The following EPB42 variants were observed in gnomAD, a reference collection of about 807,000 sequenced individuals.
EPB42 encodes erythrocyte membrane protein band 4.2, also known as protein 4.2.
A neutral mutation model predicts 76.9 loss-of-function variants in EPB42; 49 were observed. That is an observed-to-expected ratio of 0.64 (90% CI 0.51 to 0.81). EPB42 has a LOEUF of 0.81. Ranked by LOEUF, EPB42 falls within the 30% of genes least tolerant of loss-of-function variation. The pLI is 0.00. For synonymous variants in EPB42, 310 were observed against 338.4 expected, an observed-to-expected ratio of 0.92 and a Z score of 0.92; for missense variants, 731 against 867.6, an observed-to-expected ratio of 0.84 and a Z score of 1.98.
At chr15:43,207,738 T>A (rs2042227025) in intron 8 of EPB42, among the ~76,000 whole-genome samples, 1 of 152,226 alleles carries the variant, frequency 6.6e-6, no homozygotes, top group Non-Finnish European at 1.5e-5. Flanking sequence ...CCAGCTTTAC[T>A]ATGGATATGA....
chr15:43,217,026 C>A lies in EPB42; in HGVS notation c.11-573G>T, dbSNP rs1473250826. On this transcript the variant is annotated intron_variant, in intron 1 of 12. Coordinates refer to ENST00000441366, the MANE Select transcript of EPB42 (RefSeq NM_001114134.2). ...CACAGCTCTATGCAGCCCAGAAAAA[C>A]CCTTCACGGAGGTGGCTCAAGAGTA... is the stretch of plus-strand genomic sequence containing the variant. Among the ~76,000 whole-genome samples the A allele has an allele frequency of 8.5e-5, 13 of 152,294 alleles. 1 individual carries two copies. In the South Asian group the frequency reaches 2.7e-3, roughly 32 times the overall value.
At chr15:43,220,736 A>G in intron 1 of EPB42, 80 bp downstream of exon 1, 1 of 1,512,562 alleles carries the variant, frequency 6.6e-7, no homozygotes, top group Non-Finnish European at 8.9e-7. Context: ...CATCCATCCC[A>G]CTTCCTTTAA....
chr15:43,216,126 A>T, intron 2 of EPB42, 142 bp downstream of exon 2: 3 of 985,630 alleles, frequency 3.0e-6, no homozygotes, highest in Non-Finnish European at 4.6e-6. Context: ...CACCCTCATG[A>T]CTGCCCTGCC....
chr15:43,219,279 G>A (rs1228030862), intron 1 of EPB42, among the ~76,000 whole-genome samples: 2 of 152,206 alleles, frequency 1.3e-5, no homozygotes, highest in Non-Finnish European at 2.9e-5. Flanking sequence ...AGGTAAAAAG[G>A]AGTAAAATAC....
At position 43,197,399 on chromosome 15, in the gene EPB42, C is replaced by G; in HGVS notation, c.1979G>C (p.Gly660Ala). ...CACTTCCACAGTGAGTCTCTGGAGCCCCACATGTGTTGGCGTGAACTGGAA... is the reference window on the plus strand; with the variant it reads ...CACTTCCACAGTGAGTCTCTGGAGCGCCACATGTGTTGGCGTGAACTGGAA... ...AKFQFTPTHV[G>A]LQRLTVEVDC... Residue 660 changes from glycine to alanine, a missense_variant, in exon 13 of 13, where the codon GGG becomes GCG. Gly to Ala is a moderately conservative substitution (Grantham distance 60). Coordinates refer to ENST00000441366, the MANE Select transcript of EPB42 (RefSeq NM_001114134.2). 6.2e-7 allele frequency: 1 copy of G among 1,614,118 alleles called. No homozygotes were observed. Among genetic ancestry groups the G allele is most frequent in the Non-Finnish European group, 8.5e-7 (1 of 1,180,016 alleles).
rs752718312 is a variant in EPB42 at position 43,206,213 on chromosome 15, G to A, written c.1618+117C>T. On this transcript the variant is annotated intron_variant, in intron 10 of 12. Coordinates refer to ENST00000441366, the MANE Select transcript of EPB42 (RefSeq NM_001114134.2). The surrounding 1 kb of genome is among the most constrained non-coding windows in gnomAD (Gnocchi z 4.7). ...GAGAGAACATGAGAGTGAGCAGCAG[G>A]GGCTCAAAGCCATCTCTAGAGACTG... 2.9e-6 allele frequency: 3 copies of A among 1,042,876 alleles called. No homozygotes were observed. The East Asian group carries it at 7.9e-5, about 27-fold the overall frequency. 64.6% of individuals were successfully genotyped at this position (1,042,876 alleles called of 1,614,324 possible).
Position 43,216,464 on chromosome 15 carries a change from A to G in EPB42, c.11-11T>C, listed in dbSNP as rs1413371208. On this transcript the variant is annotated splice_polypyrimidine_tract_variant and intron_variant, in intron 1 of 12. Transcript: ENST00000441366. ...TCTTGATACCCAGGGCTGTTGTGGG[A>G]AAGAGAGAAGTCACGGAAACTAAGT... 1 of 1,613,762 alleles carries G rather than the reference A, an allele frequency of 6.2e-7. No individual in the cohort carries two copies. The highest frequency in any genetic ancestry group is 2.2e-5 in the East Asian group (1 of 44,892).
rs762726276 is a variant in EPB42, at chr15:43,210,467, GA to G, written c.550-29del. ...GTTAAGGATCACACAGGGCCATGAT[GA>G]AGGGTCCCCACACAGGGCCATGAGG... On this transcript the variant is annotated intron_variant, in intron 4 of 12. Transcript: ENST00000441366. 8 of 1,602,646 alleles carry G rather than the reference GA, an allele frequency of 5.0e-6. No individual in the cohort carries two copies. The Admixed American group carries it at 1.3e-4, about 27-fold the overall frequency.
intron 10 of EPB42, among the ~76,000 whole-genome samples, chr15:43,204,294 T>TC (rs998071835): frequency 4.6e-5 from 7 of 152,102 alleles, no homozygotes; most frequent in African/African-American, 1.7e-4. Context: ...CTATTTGACC[T>TC]CCCTTACTCT....
chr15:43,224,847 G>A (rs1309200464), upstream of EPB42, among the ~76,000 whole-genome samples: 5 of 152,222 alleles, frequency 3.3e-5, no homozygotes, highest in Admixed American at 2.6e-4. Context: ...TGCAATCATG[G>A]CTCACTGCAG....
chr15:43,212,377 A>G (rs2042312916), intron 3 of EPB42, among the ~76,000 whole-genome samples: 1 of 150,032 alleles, frequency 6.7e-6, no homozygotes. Flanking sequence ...CTCAAAAAAA[A>G]AAAAAAAAAG....
chr15:43,202,117 T>C, intron 11 of EPB42, 140 bp from the exon 12 acceptor site: 1 of 1,133,640 alleles, frequency 8.8e-7, no homozygotes. Context: ...TGATGTCTTC[T>C]ACCGCTCTAC....
intron 8 of EPB42, 85 bp from the exon 9 acceptor site, chr15:43,207,526 T>C: frequency 6.3e-7 from 1 of 1,594,570 alleles, no homozygotes; most frequent in African/African-American, 1.3e-5. Context: ...GTCCCCATCC[T>C]CTAGCCTATT....
chr15:43,203,697 C>A lies in EPB42; in HGVS notation c.1619-422G>T, dbSNP rs923367466. ...ACTACTGCTCAGGGGATGAGGTATC[C>A]CCCCTGCCTAAGTTGAATCCTCTGC... On this transcript the variant is annotated intron_variant, in intron 10 of 12. Transcript: ENST00000441366. Among the ~76,000 whole-genome samples the A allele has an allele frequency of 3.3e-5, 5 of 152,008 alleles. 1 individual carries two copies. The highest frequency in any genetic ancestry group is 1.2e-4 in the African/African-American group (5 of 41,358).
chr15:43,214,436 G>A (rs936313560), intron 3 of EPB42, among the ~76,000 whole-genome samples: 2 of 152,128 alleles, frequency 1.3e-5, no homozygotes, highest in Non-Finnish European at 2.9e-5. Flanking sequence ...GGGTAGGGGG[G>A]TCTGGAGAGC....
intron 2 of EPB42, 140 bp from the exon 3 acceptor site, chr15:43,215,468 C>T: frequency 1.2e-6 from 1 of 866,768 alleles, no homozygotes; most frequent in South Asian, 1.4e-5. Flanking sequence ...GAAATGAGGC[C>T]CATCAAGAAA....
chr15:43,216,123 A>G, intron 2 of EPB42, 145 bp downstream of exon 2: 3 of 965,162 alleles, frequency 3.1e-6, no homozygotes, highest in Non-Finnish European at 4.8e-6. Context: ...TGGCACCCTC[A>G]TGACTGCCCT....
At chr15:43,210,583 C>A in intron 4 of EPB42, 144 bp from the exon 5 acceptor site, 1 of 763,130 alleles carries the variant, frequency 1.3e-6, no homozygotes, top group Middle Eastern at 2.3e-4. Flanking sequence ...GCCTCCCTTG[C>A]CTCATCCCTC....
intron 7 of EPB42, 114 bp from the exon 8 acceptor site, chr15:43,208,447 G>T: frequency 7.1e-7 from 1 of 1,400,044 alleles, no homozygotes; most frequent in Non-Finnish European, 1.0e-6. Context: ...AGGTCACTGT[G>T]TCAAAGTGGC....
Sources: allele counts gnomAD v4.1 joint callset (sites outside exome capture counted in the v4.1 genomes callset), GRCh38; gene constraint gnomAD v4.1.1; non-coding constraint Gnocchi (gnomAD v3.1); transcripts MANE v1.5; gene names NCBI Gene and HGNC (gene_info 2026-07-23, HGNC 2026-07-21).